The following VPS11 variants were observed in gnomAD, a reference collection of about 807,000 sequenced individuals.
VPS11 encodes the protein vacuolar protein sorting-associated protein 11 homolog.
VPS11 carries 51 observed loss-of-function variants against 106.8 expected under a neutral mutation model. That is an observed-to-expected ratio of 0.48 (90% CI 0.38 to 0.60). The LOEUF (loss-of-function observed/expected upper bound fraction) is 0.60, where lower values mean the gene tolerates loss of function less well. VPS11 is among the 20% of genes least tolerant of loss of function. The pLI, the probability that VPS11 is intolerant of heterozygous loss-of-function variation, is 0.00. For missense variants in VPS11, 950 were observed against 1,190.0 expected, an observed-to-expected ratio of 0.80 and a Z score of 2.97; for synonymous variants, 453 against 458.7, an observed-to-expected ratio of 0.99 and a Z score of 0.16.
chr11:119,076,636 C>A (rs1945631660), intron 7 of VPS11, among the ~76,000 whole-genome samples: 2 of 152,074 alleles, frequency 1.3e-5, no homozygotes, highest in South Asian at 4.1e-4. Flanking sequence ...ACCTGTTTGG[C>A]CTCTTCCCCG....
intron 11 of VPS11, 22 bp downstream of exon 11, chr11:119,078,356 A>G (rs1945715172): frequency 1.2e-6 from 2 of 1,604,968 alleles, no homozygotes; most frequent in Non-Finnish European, 1.7e-6. Context: ...CCAGGGCTTC[A>G]GGAGAAAAGA....
chr11:119,081,785 CTTAT>C lies in VPS11; in HGVS notation c.*166_*169del. 7 of 966,028 alleles carry C rather than the reference CTTAT, an allele frequency of 7.2e-6. No individual in the cohort carries two copies. The South Asian group carries it at 1.2e-4, about 17-fold the overall frequency. The allele number at this position is 966,028 out of a possible 1,614,324, so 59.8% of individuals were successfully genotyped here. A position where few individuals can be genotyped will look rare whatever the true frequency, so the allele number is the denominator to read the frequency against. On this transcript the variant is annotated 3_prime_UTR_variant, in exon 16 of 16. Transcript: ENST00000621676. The stretch of plus-strand genomic sequence containing the variant: ...AAAGCGGACTTTCTTTCCCTGCCTT[CTTAT>C]TTAGTCAGCTTGCCATCCCTCCTCT...
Position 119,073,860 on chromosome 11 carries a change from G to T in VPS11, c.1147G>T (p.Asp383Tyr), listed in dbSNP as rs1379066463. ...TAACCTTGCCAAGAGCCAGCATCTG[G>T]ACAGTGATGGGCTGGCCCAGATTTT... Reference protein sequence around the residue: ...AINLAKSQHLDSDGLAQIFMQ... With the variant: ...AINLAKSQHLYSDGLAQIFMQ... The change falls in exon 7 of 16, where the codon GAC becomes TAC. Residue 383 changes from aspartate (D) to tyrosine (Y), a missense_variant. Asp to Tyr is a radical substitution (Grantham distance 160). Transcript: ENST00000621676. 2 of 1,613,870 alleles carry T rather than the reference G, an allele frequency of 1.2e-6. No individual in the cohort carries two copies. The highest frequency in any genetic ancestry group is 1.7e-6 in the Non-Finnish European group (2 of 1,179,794).
rs782003481 is a variant in VPS11, at chr11:119,077,593, G to A, written c.1518G>A (p.Ala506=). The part of the protein sequence containing the change: ...AGYYSHALYL[A]ENHAHHEWYL... The stretch of plus-strand genomic sequence containing the variant: ...ACTACTCCCATGCCCTGTATCTGGC[G>A]GAGAACCATGCACATCATGAGTGGT... Residue 506 remains alanine (A), a synonymous_variant, in exon 9 of 16, where the codon GCG becomes GCA. Coordinates refer to ENST00000621676, the MANE Select transcript of VPS11 (RefSeq NM_021729.6). The A allele has an allele frequency of 4.5e-5, 72 of 1,613,238 alleles. No individual in the cohort carries two copies. The highest frequency in any genetic ancestry group is 1.6e-4 in the Middle Eastern group (1 of 6,082).
At chr11:119,075,741 TAA>T (rs540617210) in intron 7 of VPS11, among the ~76,000 whole-genome samples, 1 of 144,614 alleles carries the variant, frequency 6.9e-6, no homozygotes. Context: ...AATCCCATCT[TAA>T]AAAAAAAAAT....
rs1490300941 is a variant in VPS11, at chr11:119,067,845, C to T, written c.22C>T (p.Arg8Trp). The T allele has an allele frequency of 3.9e-6, 6 of 1,552,428 alleles. No individual in the cohort carries two copies. Among genetic ancestry groups the T allele is most frequent in the South Asian group, 1.2e-5 (1 of 84,732 alleles). MAAYLQWRRFVFFDKELV... is the reference protein window; with the variant it reads MAAYLQWWRFVFFDKELV... ...CAAAATGGCGGCCTACCTGCAGTGG[C>T]GGCGCTTCGTTTTCTTCGACAAGGA... The change falls in exon 1 of 16, where the codon CGG (arginine) becomes TGG (tryptophan). Residue 8 changes from arginine (R) to tryptophan (W), a missense_variant. Around this residue, in one of 3 missense-constraint regions of VPS11, gnomAD observed 62 missense variants for 45.1 expected, o/e 1.37. Transcript: ENST00000621676.
chr11:119,068,444 C>CT (rs71048037), intron 1 of VPS11, among the ~76,000 whole-genome samples: 5 of 128,100 alleles, frequency 3.9e-5, no homozygotes, highest in South Asian at 2.3e-4. Context: ...GCCTTTTTAC[C>CT]TTTTTTTTTT....
chr11:119,081,524 A>T lies in VPS11; in HGVS notation c.2727A>T (p.Lys909Asn). 6.2e-7 allele frequency: 1 copy of T among 1,613,934 alleles called. No individual in the cohort carries two copies. Among genetic ancestry groups the T allele is most frequent in the Non-Finnish European group, 8.5e-7 (1 of 1,179,892 alleles). ...ACTTTGGCAGAGGTGTTTTCAACAA[A>T]TTGACTCTGCTGACCGACCCTCCCA... ...ADYFGRGVFNKLTLLTDPPTA... is the reference protein window; with the variant it reads ...ADYFGRGVFNNLTLLTDPPTA... Residue 909 changes from lysine (K) to asparagine (N), a missense_variant, in exon 16 of 16, where the codon AAA becomes AAT. By Grantham distance (94) the Lys-to-Asn change is moderately conservative. Around this residue, in one of 3 missense-constraint regions of VPS11, gnomAD observed 453 missense variants for 514.6 expected, o/e 0.88. Coordinates refer to ENST00000621676, the MANE Select transcript of VPS11 (RefSeq NM_021729.6).
chr11:119,070,422 G>C (rs782630479), intron 4 of VPS11, 25 bp downstream of exon 4: 4 of 1,592,612 alleles, frequency 2.5e-6, no homozygotes, highest in African/African-American at 2.7e-5. Context: ...TCCACTCTTA[G>C]GAGCAGGCAG....
Position 119,067,921 on chromosome 11 carries a change from C to T in VPS11, c.98C>T (p.Pro33Leu), listed in dbSNP as rs1565735356. 6.2e-7 allele frequency: 1 copy of T among 1,610,788 alleles called. No homozygotes were observed. Among genetic ancestry groups the T allele is most frequent in the Non-Finnish European group, 8.5e-7 (1 of 1,178,524 alleles). ...SNDGAAPGAT[P>L]ASGSAASKFL... ...GATGGGGCCGCTCCCGGGGCCACAC[C>T]TGCTTCTGGATCCGCTGCTTCCAAG... Residue 33 changes from proline (P) to leucine (L), a missense_variant, in exon 1 of 16, where the codon CCT becomes CTT. Transcript: ENST00000621676.
At position 119,068,898 on chromosome 11, in the gene VPS11, C is replaced by T. The variant is rs550039777; in HGVS notation, c.188-298C>T. Among the ~76,000 whole-genome samples, 177 of 149,728 alleles carry T rather than the reference C, an allele frequency of 1.2e-3. 2 individuals carry two copies. Among genetic ancestry groups the T allele is most frequent in the African/African-American group, 4.1e-3 (166 of 40,564 alleles). On this transcript the variant is annotated intron_variant, in intron 1 of 15. Transcript: ENST00000621676. ...TCCTGAGTAGCTGAAATTACAGGCA[C>T]GCACCATTATACCTGGCTAATTTTT... is the stretch of plus-strand genomic sequence containing the variant.
chr11:119,072,951 G>A, intron 5 of VPS11: 1 of 525,622 alleles, frequency 1.9e-6, no homozygotes, highest in Non-Finnish European at 3.4e-6. Context: ...CTAAATGAAT[G>A]GATATGTTAG....
Position 119,069,978 on chromosome 11 carries a change from A to G in VPS11, c.473-256A>G, listed in dbSNP as rs181916163. Among the ~76,000 whole-genome samples the G allele has an allele frequency of 1.2e-3, 132 of 108,122 alleles. No individual in the cohort carries two copies. In the East Asian group the frequency reaches 0.026, roughly 21 times the overall value. 70.9% of individuals were successfully genotyped at this position (108,122 alleles called of 152,430 possible). A position where few individuals can be genotyped will look rare whatever the true frequency, so the allele number is the denominator to read the frequency against. On this transcript the variant is annotated intron_variant, in intron 3 of 15. Coordinates refer to ENST00000621676, the MANE Select transcript of VPS11 (RefSeq NM_021729.6). ...GCGCCATTGCACTGTAGCCTGGGCAACAAGAGCAAAACTCTGTCTCAAAAT... is the reference window on the plus strand; with the variant it reads ...GCGCCATTGCACTGTAGCCTGGGCAGCAAGAGCAAAACTCTGTCTCAAAAT...
Position 119,081,674 on chromosome 11 carries a change from C to G in VPS11, c.*51C>G. 1 of 1,599,048 alleles carries G rather than the reference C, an allele frequency of 6.3e-7. No individual in the cohort carries two copies. The highest frequency in any genetic ancestry group is 8.5e-7 in the Non-Finnish European group (1 of 1,171,476). On this transcript the variant is annotated 3_prime_UTR_variant, in exon 16 of 16. Transcript: ENST00000621676. ...CAGTGGAGGACCAAGAGAACAGACA[C>G]AATGGGACCTGGGCGGGCGTTACAC...
At chr11:119,068,783 C>G (rs1395232777) in intron 1 of VPS11, among the ~76,000 whole-genome samples, 1 of 146,968 alleles carries the variant, frequency 6.8e-6, no homozygotes, top group East Asian at 2.0e-4. Context: ...CGGACTTTCA[C>G]TCTTGTTGCA....
At chr11:119,075,032 T>C (rs1305591) in intron 7 of VPS11, among the ~76,000 whole-genome samples, 6,014 of 151,454 alleles carry the variant, frequency 0.04, 272 homozygotes, top group African/African-American at 0.11. Flanking sequence ...TTTGGGAGGC[T>C]GAGGCGGGTG....
At position 119,078,014 on chromosome 11, in the gene VPS11, A is replaced by T. The variant is rs782498761; in HGVS notation, c.1709A>T (p.Asp570Val). 6.8e-6 allele frequency: 11 copies of T among 1,613,342 alleles called. No individual in the cohort carries two copies. The East Asian group carries it at 2.4e-4, about 36-fold the overall frequency. The part of the protein sequence containing the change: ...TTQLLKGLCT[D>V]YRPSLEGRSD... Reference sequence around the variant, plus strand: ...CAGTTGCTGAAGGGACTTTGTACTGATTATCGGCCCAGCCTCGAAGGCCGC... The same window carrying T: ...CAGTTGCTGAAGGGACTTTGTACTGTTTATCGGCCCAGCCTCGAAGGCCGC... The change falls in exon 10 of 16, where the codon GAT (aspartate) becomes GTT (valine). Residue 570 changes from aspartate to valine, a missense_variant. Coordinates refer to ENST00000621676, the MANE Select transcript of VPS11 (RefSeq NM_021729.6).
At chr11:119,075,103 A>G (rs1306818493) in intron 7 of VPS11, among the ~76,000 whole-genome samples, 2 of 151,496 alleles carry the variant, frequency 1.3e-5, no homozygotes, top group East Asian at 2.0e-4. Flanking sequence ...CGTCTCTACT[A>G]AAAAATACAA....
chr11:119,080,483 C>G (rs1945811990), intron 14 of VPS11, among the ~76,000 whole-genome samples: 1 of 152,132 alleles, frequency 6.6e-6, no homozygotes, highest in African/African-American at 2.4e-5. Flanking sequence ...ATTCTCCTGC[C>G]TTGGCCCCCT....
Sources: gnomAD v4.1 joint callset for allele counts (sites outside exome capture counted in the v4.1 genomes callset) on GRCh38, gnomAD v4.1.1 for gene constraint, gnomAD v4.1.1 regional missense constraint, MANE v1.5 for transcripts, NCBI Gene and HGNC (gene_info 2026-07-23, HGNC 2026-07-21) for gene names.